The following HSDL2 variants were observed in gnomAD, a reference collection of about 807,000 sequenced individuals.
The protein encoded by HSDL2 is hydroxysteroid dehydrogenase like 2.
A neutral mutation model predicts 46.3 loss-of-function variants in HSDL2; 27 were observed. That is an observed-to-expected ratio of 0.58 (90% CI 0.43 to 0.80). HSDL2 has a LOEUF of 0.80. Among genes scored for constraint, HSDL2 ranks in the 30% least tolerant of loss-of-function variants. HSDL2 has a pLI of 0.00. For missense variants in HSDL2, 451 were observed against 502.7 expected, an observed-to-expected ratio of 0.90 and a Z score of 0.98; for synonymous variants, 153 against 163.6, an observed-to-expected ratio of 0.94 and a Z score of 0.50.
chr9:112,394,214 A>G (rs1440754975), intron 1 of HSDL2, among the ~76,000 whole-genome samples: 1 of 152,040 alleles, frequency 6.6e-6, no homozygotes. Flanking sequence ...TCCCCTTCCC[A>G]TACTCGCAGT....
chr9:112,448,591 C>G (rs1289933338), intron 8 of HSDL2, among the ~76,000 whole-genome samples: 2 of 151,864 alleles, frequency 1.3e-5, no homozygotes, highest in Non-Finnish European at 2.9e-5. Context: ...CTCCGTTGCC[C>G]AGGCTGGAGT....
At position 112,416,863 on chromosome 9, in the gene HSDL2, T is replaced by C. The variant is rs781660552; in HGVS notation, c.418T>C (p.Leu140=). The C allele has an allele frequency of 2.0e-5, 32 of 1,587,848 alleles. No homozygotes were observed. Among genetic ancestry groups the C allele is most frequent in the Non-Finnish European group, 2.8e-5 (32 of 1,156,722 alleles). Residue 140 remains leucine, a synonymous_variant, in exon 5 of 11, where the codon TTG becomes CTG. Coordinates refer to ENST00000398805, the MANE Select transcript of HSDL2 (RefSeq NM_032303.5). ...CAGATCTAAAGCATGTATTCCTTAT[T>C]TGAAAAAGAGCAAAGTTGCTCATAT... The part of the protein sequence containing the change: ...YLASKACIPY[L]KKSKVAHILN...
chr9:112,417,165 T>C (rs1564115255), intron 5 of HSDL2, among the ~76,000 whole-genome samples: 2 of 152,202 alleles, frequency 1.3e-5, no homozygotes, highest in African/African-American at 4.8e-5. Flanking sequence ...CAGCTCTTAA[T>C]GGTTCAGTTT....
intron 3 of HSDL2, among the ~76,000 whole-genome samples, chr9:112,408,686 G>T (rs1831790066): frequency 6.6e-6 from 1 of 152,060 alleles, no homozygotes; most frequent in Non-Finnish European, 1.5e-5. Context: ...ACAACAGTAA[G>T]TATGTATCTG....
At chr9:112,416,782 A>T in intron 4 of HSDL2, 59 bp from the exon 5 acceptor site, 1 of 845,880 alleles carries the variant, frequency 1.2e-6, no homozygotes, top group East Asian at 2.5e-5. Context: ...CTTAAAAAAA[A>T]AAGTGGAGAA....
At chr9:112,415,637 C>T (rs1054902443) in intron 4 of HSDL2, among the ~76,000 whole-genome samples, 2 of 152,168 alleles carry the variant, frequency 1.3e-5, no homozygotes, top group Admixed American at 6.6e-5. Context: ...GTTGTGGTTG[C>T]GGATAACCTC....
chr9:112,445,802 G>T (rs903161958), intron 8 of HSDL2, among the ~76,000 whole-genome samples: 2 of 151,784 alleles, frequency 1.3e-5, no homozygotes, highest in Non-Finnish European at 2.9e-5. Flanking sequence ...GGGATTACAG[G>T]CATGAGCCAC....
chr9:112,459,575 C>T lies in HSDL2; in HGVS notation c.1142C>T (p.Ser381Leu). 1.2e-6 allele frequency: 2 copies of T among 1,612,910 alleles called. No homozygotes were observed. Among genetic ancestry groups the T allele is most frequent in the African/African-American group, 1.3e-5 (1 of 75,002 alleles). ...ACTGATGACTTTGTAAAAATGTTTT[C>T]AGGTGAGTTTTCCAGTTTATTAGTT... ...MTTDDFVKMF[S>L]GKLKPTMAFM... Residue 381 changes from serine to leucine, a missense_variant and splice_region_variant, in exon 10 of 11, where the codon TCA becomes TTA. Transcript: ENST00000398805.
chr9:112,409,746 A>C (rs62569982), intron 4 of HSDL2, among the ~76,000 whole-genome samples: 19,455 of 151,990 alleles, frequency 0.13, 1,735 homozygotes, highest in East Asian at 0.21. Flanking sequence ...TCATCTACTC[A>C]GGAGACTGAG....
At position 112,472,203 on chromosome 9, in the gene HSDL2, G is replaced by A. The variant is rs1265681413; in HGVS notation, c.*1659G>A. 2.0e-5 allele frequency: 3 copies of A among 152,222 alleles called. No individual in the cohort carries two copies. Among genetic ancestry groups the A allele is most frequent in the African/African-American group, 4.8e-5 (2 of 41,464 alleles). The allele number at this position is 152,222 out of a possible 1,614,324, so 9.4% of individuals were successfully genotyped here. A position where few individuals can be genotyped will look rare whatever the true frequency, so the allele number is the denominator to read the frequency against. On this transcript the variant is annotated 3_prime_UTR_variant, in exon 11 of 11. Coordinates refer to ENST00000398805, the MANE Select transcript of HSDL2 (RefSeq NM_032303.5). ...TGATTATGATGAGGAAGCCCCCTCT[G>A]CTTTAATCCACACAAGGAACGTAAC...
At chr9:112,392,732 G>A (rs889557114) in intron 1 of HSDL2, among the ~76,000 whole-genome samples, 11 of 152,114 alleles carry the variant, frequency 7.2e-5, no homozygotes, top group African/African-American at 2.7e-4. Flanking sequence ...TTCAAGGTGT[G>A]CTGATTTCAT....
intron 10 of HSDL2, among the ~76,000 whole-genome samples, chr9:112,467,026 A>C (rs901943360): frequency 2.0e-5 from 3 of 152,196 alleles, no homozygotes; most frequent in Non-Finnish European, 2.9e-5. Flanking sequence ...AGGTACAGTT[A>C]ATTATAGAAT....
At chr9:112,420,781 G>A (rs1587944991) in intron 6 of HSDL2, among the ~76,000 whole-genome samples, 1 of 151,812 alleles carries the variant, frequency 6.6e-6, no homozygotes, top group Non-Finnish European at 1.5e-5. Context: ...GAGAATACTC[G>A]TCTCTAATTC....
Position 112,423,983 on chromosome 9 carries a change from G to A in HSDL2, c.598+5025G>A, listed in dbSNP as rs570578674. The stretch of plus-strand genomic sequence containing the variant: ...CCTGCCTTGGCCTCCCAAAGTGCTG[G>A]GATTACAAGCGTGAGCCACCACACC... On this transcript the variant is annotated intron_variant, in intron 6 of 10. Coordinates refer to ENST00000398805, the MANE Select transcript of HSDL2 (RefSeq NM_032303.5). 5.3e-5 allele frequency among the ~76,000 whole-genome samples: 8 copies of A among 151,664 alleles called. No individual in the cohort carries two copies. The East Asian group carries it at 1.6e-3, about 30-fold the overall frequency.
chr9:112,418,562 C>CA (rs59788116), intron 5 of HSDL2, among the ~76,000 whole-genome samples: 58,290 of 127,516 alleles, frequency 0.46, 12,133 homozygotes, highest in Middle Eastern at 0.54. Flanking sequence ...CAGCCTGTCT[C>CA]AAAAAAAAAA....
chr9:112,383,042 T>C (rs1044058617), intron 1 of HSDL2, among the ~76,000 whole-genome samples: 2 of 151,886 alleles, frequency 1.3e-5, no homozygotes, highest in African/African-American at 4.8e-5. Flanking sequence ...AATCTTGCTC[T>C]GTATGCCTTT....
chr9:112,460,593 A>G (rs1833175689), intron 10 of HSDL2, among the ~76,000 whole-genome samples: 1 of 152,160 alleles, frequency 6.6e-6, no homozygotes, highest in African/African-American at 2.4e-5. Context: ...TACAGAAAAT[A>G]CAAAAATTGG....
Position 112,470,621 on chromosome 9 carries a change from T to C in HSDL2, c.*77T>C. On this transcript the variant is annotated 3_prime_UTR_variant, in exon 11 of 11. Transcript: ENST00000398805. ...TCAACAGTTAAAATCTAATGTTTGT[T>C]TTCTTTCCTGTTATATTATAAGGAT... is the stretch of plus-strand genomic sequence containing the variant. The C allele has an allele frequency of 1.3e-6, 1 of 774,796 alleles. No individual in the cohort carries two copies. Among genetic ancestry groups the C allele is most frequent in the Non-Finnish European group, 2.1e-6 (1 of 474,998 alleles). The allele number at this position is 774,796 out of a possible 1,614,324, so 48.0% of individuals were successfully genotyped here. A position where few individuals can be genotyped will look rare whatever the true frequency, so the allele number is the denominator to read the frequency against.
chr9:112,382,176 G>A (rs1831113851), intron 1 of HSDL2, among the ~76,000 whole-genome samples: 1 of 152,184 alleles, frequency 6.6e-6, no homozygotes, highest in South Asian at 2.1e-4. Flanking sequence ...CAGGAGAACC[G>A]CTTGAACCTG....
Sources: allele counts gnomAD v4.1 joint callset (sites outside exome capture counted in the v4.1 genomes callset), GRCh38; gene constraint gnomAD v4.1.1; transcripts MANE v1.5; gene names NCBI Gene and HGNC (gene_info 2026-07-23, HGNC 2026-07-21).